The following RRM2 variants were observed in gnomAD, a reference collection of about 807,000 sequenced individuals.
The protein encoded by RRM2 is ribonucleotide reductase regulatory subunit M2, also known as ribonucleoside-diphosphate reductase subunit M2.
Under a neutral mutation model 45.9 loss-of-function variants are expected in RRM2, and 6 were observed. The observed-to-expected ratio is 0.13, with a 90% CI of 0.07 to 0.26. The LOEUF is 0.26. Among genes scored for constraint, RRM2 ranks in the 10% least tolerant of loss-of-function variants. The probability of loss-of-function intolerance (pLI) is 1.00; values close to 1 mark genes in which losing one functional copy is unlikely to be tolerated. For synonymous variants in RRM2, 177 were observed against 173.0 expected, an observed-to-expected ratio of 1.02 and a Z score of -0.18; for missense variants, 343 against 489.5, an observed-to-expected ratio of 0.70 and a Z score of 2.82.
chr2:10,187,826 T>G (rs1664199925), intron 3 of RRM2, among the ~76,000 whole-genome samples: 1 of 152,164 alleles, frequency 6.6e-6, no homozygotes, highest in African/African-American at 2.4e-5. Context: ...AGGAGAGCCA[T>G]CCGCTTCCTG....
downstream of RRM2, among the ~76,000 whole-genome samples, chr2:10,133,863 A>G (rs922839189): frequency 1.3e-5 from 2 of 152,124 alleles, no homozygotes; most frequent in Non-Finnish European, 2.9e-5. Context: ...ACACCTGCCC[A>G]TGATAAATAG....
At chr2:10,190,729 TGGC>T (rs111521784) in intron 3 of RRM2, among the ~76,000 whole-genome samples, 25,200 of 38,964 alleles carry the variant, frequency 0.65, 8,487 homozygotes, top group Non-Finnish European at 0.72. Context: ...GTGATGATCT[TGGC>T]GGTGATGGTG....
chr2:10,188,444 AG>A (rs1664216245), intron 3 of RRM2, among the ~76,000 whole-genome samples: 1 of 152,050 alleles, frequency 6.6e-6, no homozygotes, highest in Non-Finnish European at 1.5e-5. Context: ...GCATCCCTGG[AG>A]TCTCGCCCTC....
chr2:10,198,086 C>T (rs988395228), intron 3 of RRM2, among the ~76,000 whole-genome samples: 14 of 152,238 alleles, frequency 9.2e-5, no homozygotes, highest in African/African-American at 3.4e-4. Flanking sequence ...CCTCCCCAGG[C>T]CCATTCTGTG....
chr2:10,157,995 A>G (rs1008333804), intron 3 of RRM2, among the ~76,000 whole-genome samples: 3 of 152,188 alleles, frequency 2.0e-5, no homozygotes, highest in Non-Finnish European at 4.4e-5. Context: ...AATGAATGAG[A>G]GGAGGGGTAA....
rs1377210734 is a variant in RRM2 at position 10,200,481 on chromosome 2, C to T, written n.483-9830C>T. ...GGGACCGCGCGCGCAAAATATGAGG[C>T]CCACAGGCACCGCGCACACAAAATA... is the stretch of plus-strand genomic sequence containing the variant. On this transcript the variant is annotated intron_variant and non_coding_transcript_variant, in intron 3 of 3. Coordinates refer to the RRM2 transcript ENST00000381786. 3.9e-4 allele frequency among the ~76,000 whole-genome samples: 22 copies of T among 55,884 alleles called. 2 individuals are homozygous for T. Among genetic ancestry groups the T allele is most frequent in the African/African-American group, 6.5e-4 (11 of 16,830 alleles). 36.7% of individuals were successfully genotyped at this position (55,884 alleles called of 152,430 possible).
At chr2:10,182,043 G>A (rs1664070591) in intron 3 of RRM2, among the ~76,000 whole-genome samples, 1 of 152,096 alleles carries the variant, frequency 6.6e-6, no homozygotes, top group South Asian at 2.1e-4. Context: ...TGGGATTATA[G>A]GTGTGAGCCA....
At position 10,176,674 on chromosome 2, in the gene RRM2, G is replaced by C. The variant is rs372198684; in HGVS notation, n.483-33637G>C. ...ATTGGTCAGGGAGATTCATCAATGT[G>C]TACAGCACAAGTTTGTTTCTTTATA... On this transcript the variant is annotated intron_variant and non_coding_transcript_variant, in intron 3 of 3. Coordinates refer to the RRM2 transcript ENST00000381786. 7.2e-5 allele frequency among the ~76,000 whole-genome samples: 11 copies of C among 152,326 alleles called. No homozygotes were observed. In the East Asian group the frequency reaches 2.1e-3, roughly 29 times the overall value.
chr2:10,139,525 G>T (rs1464293918), upstream of RRM2, among the ~76,000 whole-genome samples: 1 of 152,144 alleles, frequency 6.6e-6, no homozygotes, highest in Admixed American at 6.5e-5. Flanking sequence ...TAGAAGTGGG[G>T]GTGTCAAAGG....
Position 10,123,473 on chromosome 2 carries a change from C to T in RRM2, c.261C>T (p.Tyr87=), listed in dbSNP as rs759762086. The change falls in exon 3 of 10, where the codon TAC becomes TAT. Residue 87 remains tyrosine (Y), a synonymous_variant. Transcript: ENST00000304567. ...PRRFVIFPIE[Y]HDIWQMYKKA... ...GCTTTGTCATCTTCCCCATCGAGTACCATGATATCTGGCAGATGTATAAGA... is the reference window on the plus strand; with the variant it reads ...GCTTTGTCATCTTCCCCATCGAGTATCATGATATCTGGCAGATGTATAAGA... The T allele has an allele frequency of 6.2e-7, 1 of 1,614,168 alleles. No individual in the cohort carries two copies. The highest frequency in any genetic ancestry group is 8.5e-7 in the Non-Finnish European group (1 of 1,180,028).
intron 3 of RRM2, among the ~76,000 whole-genome samples, chr2:10,165,402 G>A (rs1663656525): frequency 2.0e-5 from 3 of 152,208 alleles, no homozygotes; most frequent in Admixed American, 2.0e-4. Context: ...CCTCCCATTA[G>A]TGGGCTCCGT....
chr2:10,163,228 T>A (rs1171409023), intron 3 of RRM2, among the ~76,000 whole-genome samples: 1 of 151,794 alleles, frequency 6.6e-6, no homozygotes, highest in Non-Finnish European at 1.5e-5. Context: ...GACAATTAGC[T>A]CTTGGCTGCA....
intron 3 of RRM2, among the ~76,000 whole-genome samples, chr2:10,200,399 TGC>T (rs1664523898): frequency 2.2e-5 from 3 of 138,878 alleles, no homozygotes; most frequent in Non-Finnish European, 4.7e-5. Flanking sequence ...GCACAGGGAC[TGC>T]GCGCACAAAA....
intron 3 of RRM2, among the ~76,000 whole-genome samples, chr2:10,160,158 G>A (rs976020936): frequency 1.3e-5 from 2 of 152,222 alleles, no homozygotes; most frequent in South Asian, 4.1e-4. Context: ...CCTCCCCTAC[G>A]CCTTGCACAT....
At chr2:10,164,044 ATATG>A (rs1478930382) in intron 3 of RRM2, among the ~76,000 whole-genome samples, 1 of 151,294 alleles carries the variant, frequency 6.6e-6, no homozygotes, top group Non-Finnish European at 1.5e-5. Flanking sequence ...GTGAGTGTGA[ATATG>A]TGTGTGTGCA....
At chr2:10,196,039 G>A (rs957361255) in intron 3 of RRM2, among the ~76,000 whole-genome samples, 30 of 152,332 alleles carry the variant, frequency 2.0e-4, no homozygotes, top group Admixed American at 7.8e-4. Context: ...TGGGGTGGCC[G>A]AAGCAGCCCT....
intron 3 of RRM2, among the ~76,000 whole-genome samples, chr2:10,144,222 CG>C (rs949531100): frequency 4.6e-5 from 7 of 152,140 alleles, no homozygotes; most frequent in African/African-American, 1.7e-4. Context: ...GTTTTGAGGA[CG>C]GGGAGTGGGA....
At chr2:10,176,231 A>C (rs1663911181) in intron 3 of RRM2, among the ~76,000 whole-genome samples, 1 of 152,184 alleles carries the variant, frequency 6.6e-6, no homozygotes, top group Non-Finnish European at 1.5e-5. Context: ...GCATATACCC[A>C]GAAGTGGAAT....
At chr2:10,173,537 C>T (rs564554256) in intron 3 of RRM2, among the ~76,000 whole-genome samples, 3 of 152,224 alleles carry the variant, frequency 2.0e-5, no homozygotes, top group Non-Finnish European at 4.4e-5. Flanking sequence ...AATGCAGGCC[C>T]GTGGCTGGAT....
Sources: allele counts gnomAD v4.1 joint callset (sites outside exome capture counted in the v4.1 genomes callset), GRCh38; gene constraint gnomAD v4.1.1; transcripts MANE v1.5; gene names NCBI Gene and HGNC (gene_info 2026-07-23, HGNC 2026-07-21).